The following KAZN variants were observed in gnomAD, a reference collection of about 807,000 sequenced individuals.
KAZN encodes kazrin, periplakin interacting protein.
Under a neutral mutation model 87.4 loss-of-function variants are expected in KAZN, and 40 were observed. The observed-to-expected ratio is 0.46, with a 90% CI of 0.36 to 0.60. The LOEUF (loss-of-function observed/expected upper bound fraction) is 0.60. Among genes scored for constraint, KAZN ranks in the 20% least tolerant of loss-of-function variants. KAZN has a pLI of 0.00. For synonymous variants in KAZN, 466 were observed against 458.3 expected (o/e 1.02, Z -0.22); for missense variants, 898 against 1,073.9 (o/e 0.84, Z 2.29).
At chr1:14,899,812 C>T (rs1655659418) in intron 1 of KAZN, among the ~76,000 whole-genome samples, 1 of 152,188 alleles carries the variant, frequency 6.6e-6, no homozygotes, top group Admixed American at 6.5e-5. Context: ...GAGCAACCGT[C>T]TTAAGCACTG....
At chr1:14,666,703 T>C (rs1639573803) in intron 1 of KAZN, among the ~76,000 whole-genome samples, 2 of 152,148 alleles carry the variant, frequency 1.3e-5, no homozygotes, top group Non-Finnish European at 2.9e-5. Flanking sequence ...TTTCTCCCTT[T>C]CACGGGGCCT....
intron 1 of KAZN, among the ~76,000 whole-genome samples, chr1:13,963,694 C>T (rs1641836875): frequency 1.3e-5 from 2 of 150,818 alleles, no homozygotes; most frequent in African/African-American, 4.9e-5. Flanking sequence ...CATGAAAAAA[C>T]AAAAAAACAA....
chr1:15,101,578 T>C lies in KAZN; in HGVS notation c.1583T>C (p.Val528Ala). The C allele has an allele frequency of 6.4e-7, 1 of 1,553,032 alleles. No individual in the cohort carries two copies. Among genetic ancestry groups the C allele is most frequent in the Non-Finnish European group, 8.7e-7 (1 of 1,147,696 alleles). Reference protein sequence around the residue: ...SKAAELDHHWVAKAWLNDIGL... With the variant: ...SKAAELDHHWAAKAWLNDIGL... ...GCTGCCGAGCTGGACCATCACTGGG[T>C]GGCCAAGGCCTGGCTGAATGACATT... Residue 528 changes from valine to alanine, a missense_variant, in exon 11 of 15, where the codon GTG (valine) becomes GCG (alanine). Transcript: ENST00000376030.
chr1:15,048,699 A>C (rs367626354), intron 4 of KAZN, among the ~76,000 whole-genome samples: 2 of 78,126 alleles, frequency 2.6e-5, no homozygotes, highest in Non-Finnish European at 2.6e-5. Context: ...TGGGTCGTTG[A>C]TCCTTGGTCG....
At position 14,326,214 on chromosome 1, in the gene KAZN, G is replaced by A. The variant is rs575032143; in HGVS notation, c.249+145622G>A. 3.3e-5 allele frequency among the ~76,000 whole-genome samples: 5 copies of A among 151,818 alleles called. No individual in the cohort carries two copies. In the South Asian group the frequency reaches 1.0e-3, roughly 32 times the overall value. On this transcript the variant is annotated intron_variant, in intron 2 of 16. Coordinates refer to the KAZN transcript ENST00000636203. Reference sequence around the variant, plus strand: ...TGCCCCCTACCCCCGCCCCACCGCCGAGTTCCCACCACCAACACATCTAAG... The same window carrying A: ...TGCCCCCTACCCCCGCCCCACCGCCAAGTTCCCACCACCAACACATCTAAG...
chr1:14,292,047 C>T (rs1653739886), intron 2 of KAZN, among the ~76,000 whole-genome samples: 1 of 152,152 alleles, frequency 6.6e-6, no homozygotes, highest in Admixed American at 6.5e-5. Flanking sequence ...TGGACTAATA[C>T]AGACCCCCTG....
chr1:14,048,159 G>T (rs1490014605), intron 1 of KAZN, among the ~76,000 whole-genome samples: 2 of 152,118 alleles, frequency 1.3e-5, no homozygotes, highest in East Asian at 1.9e-4. Flanking sequence ...AGTTTTTTGA[G>T]AATTAAATGG....
At chr1:13,947,603 G>A (rs149024620) in intron 1 of KAZN, among the ~76,000 whole-genome samples, 1 of 152,312 alleles carries the variant, frequency 6.6e-6, no homozygotes, top group Non-Finnish European at 1.5e-5. Flanking sequence ...TGCCCTTAGG[G>A]CTGTATTAGT....
At chr1:14,552,900 A>T (rs1034448709) in intron 2 of KAZN, among the ~76,000 whole-genome samples, 6 of 152,178 alleles carry the variant, frequency 3.9e-5, no homozygotes, top group African/African-American at 1.4e-4. Context: ...TGTGTGAGAC[A>T]ATAAGGCTGG....
chr1:14,521,379 AT>A (rs1671579783), intron 2 of KAZN, among the ~76,000 whole-genome samples: 2 of 152,224 alleles, frequency 1.3e-5, no homozygotes, highest in Non-Finnish European at 2.9e-5. Flanking sequence ...CAAATGGCTC[AT>A]GTGTGTCCAC....
intron 1 of KAZN, among the ~76,000 whole-genome samples, chr1:14,854,830 A>T (rs1649880722): frequency 6.6e-6 from 1 of 152,150 alleles, no homozygotes; most frequent in Admixed American, 6.5e-5. Context: ...GAAGGGAAGT[A>T]TCTCTTTGAT....
Position 15,087,396 on chromosome 1 carries a change from T to C in KAZN, c.1223-6784T>C, listed in dbSNP as rs1003983093. The stretch of plus-strand genomic sequence containing the variant: ...ATGTGTTTTATGCTTAAAGCACTTT[T>C]TTCTTTTTTTTTTTTTGACAGGGTC... On this transcript the variant is annotated intron_variant, in intron 8 of 14. Coordinates refer to ENST00000376030, the MANE Select transcript of KAZN (RefSeq NM_201628.3). 3.2e-4 allele frequency among the ~76,000 whole-genome samples: 46 copies of C among 142,204 alleles called. 1 individual carries two copies. The highest frequency in any genetic ancestry group is 1.1e-4 in the Non-Finnish European group (7 of 65,956). The allele number at this position is 142,204 out of a possible 152,430, so 93.3% of individuals were successfully genotyped here.
chr1:14,282,961 G>A (rs1441088674), intron 2 of KAZN, among the ~76,000 whole-genome samples: 4 of 152,164 alleles, frequency 2.6e-5, no homozygotes, highest in East Asian at 1.9e-4. Flanking sequence ...GTGGAATTTC[G>A]ATCTGCCCTT....
At chr1:14,781,179 G>A (rs905121759) in intron 1 of KAZN, among the ~76,000 whole-genome samples, 11 of 152,128 alleles carry the variant, frequency 7.2e-5, no homozygotes, top group Non-Finnish European at 1.5e-4. Context: ...AAAATTAGCC[G>A]GGCATGGTGG....
chr1:13,960,048 C>T lies in KAZN; in HGVS notation c.91+66292C>T, dbSNP rs184260883. ...AAGTCCAAAAAACATGTAAACCCCA[C>T]CCCCGCCTTCACAAAGGGTACAGTC... On this transcript the variant is annotated intron_variant, in intron 1 of 16. Coordinates refer to the KAZN transcript ENST00000636203. Among the ~76,000 whole-genome samples, 187 of 151,170 alleles carry T rather than the reference C, an allele frequency of 1.2e-3. 1 individual carries two copies. Among genetic ancestry groups the T allele is most frequent in the African/African-American group, 4.0e-3 (165 of 41,094 alleles).
intron 1 of KAZN, among the ~76,000 whole-genome samples, chr1:14,862,000 T>C (rs1177007942): frequency 1.3e-5 from 2 of 152,206 alleles, no homozygotes. Flanking sequence ...ACTTTCCAGT[T>C]AGGTGAGCCC....
At chr1:13,899,521 G>A (rs974854700) in intron 1 of KAZN, among the ~76,000 whole-genome samples, 6 of 152,044 alleles carry the variant, frequency 3.9e-5, no homozygotes, top group Non-Finnish European at 8.8e-5. Flanking sequence ...TGTGGAATCT[G>A]TTAACACTGG....
intron 1 of KAZN, among the ~76,000 whole-genome samples, chr1:14,877,471 T>C (rs951341302): frequency 2.0e-5 from 3 of 152,012 alleles, no homozygotes; most frequent in African/African-American, 7.3e-5. Context: ...GCATATGGGG[T>C]CAGCTCTGCC....
intron 13 of KAZN, among the ~76,000 whole-genome samples, chr1:15,107,517 GTTA>G (rs1641336904): frequency 6.6e-6 from 1 of 152,162 alleles, no homozygotes; most frequent in South Asian, 2.1e-4. Context: ...CCCTGGGCAA[GTTA>G]CTTAACCTCT....
Sources: allele counts gnomAD v4.1 joint callset (sites outside exome capture counted in the v4.1 genomes callset), GRCh38; gene constraint gnomAD v4.1.1; transcripts MANE v1.5; gene names NCBI Gene and HGNC (gene_info 2026-07-23, HGNC 2026-07-21).